The following CES1 variants were observed in gnomAD, a reference collection of about 807,000 sequenced individuals.
CES1 encodes liver carboxylesterase 1.
Under a neutral mutation model 53.0 loss-of-function variants are expected in CES1, and 50 were observed. That is an observed-to-expected ratio of 0.94 (90% CI 0.75 to 1.19). The LOEUF is 1.19. Among genes scored for constraint, CES1 ranks in the 50% most tolerant of loss-of-function variants. The probability of loss-of-function intolerance (pLI) is 0.00; values close to 1 mark genes in which losing one functional copy is unlikely to be tolerated. For synonymous variants in CES1, 202 were observed against 210.1 expected (o/e 0.96, Z 0.33); for missense variants, 534 against 538.0 (o/e 0.99, Z 0.07).
In CES1 at chr16:55,833,020, A is replaced by C. The variant is rs374942162; in HGVS notation, c.36T>G (p.Ser12=). The change falls in exon 1 of 14, where the codon TCT becomes TCG. Residue 12 remains serine (S), a synonymous_variant. Transcript: ENST00000360526. The part of the protein sequence containing the change: ...WLRAFILATL[S]ASAAWAGHPS... The stretch of plus-strand genomic sequence containing the variant: ...AGGACTCACCCCAAGCCGCGGAAGC[A>C]GAGAGAGTGGCCAGGATAAAGGCAC... The C allele has an allele frequency of 1.9e-6, 3 of 1,558,344 alleles. No homozygotes were observed. The highest frequency in any genetic ancestry group is 2.6e-6 in the Non-Finnish European group (3 of 1,138,950).
chr16:55,817,658 G>T (rs1176544243), intron 7 of CES1, among the ~76,000 whole-genome samples: 1 of 152,086 alleles, frequency 6.6e-6, no homozygotes, highest in Admixed American at 6.5e-5. Flanking sequence ...GAGTGTGTGT[G>T]TGTGTGTGTA....
intron 7 of CES1, among the ~76,000 whole-genome samples, chr16:55,818,398 G>T (rs1396948623): frequency 6.6e-6 from 1 of 152,194 alleles, no homozygotes; most frequent in Non-Finnish European, 1.5e-5. Flanking sequence ...TGACTAATTT[G>T]AACTGTGACA....
chr16:55,822,158 G>C (rs1374613629), intron 4 of CES1, among the ~76,000 whole-genome samples: 1 of 152,248 alleles, frequency 6.6e-6, no homozygotes, highest in Non-Finnish European at 1.5e-5. Context: ...CAAGAACTTC[G>C]GCTGTCATGG....
At chr16:55,812,792 C>G (rs1447431474) in intron 9 of CES1, 111 bp downstream of exon 9, 1 of 1,473,006 alleles carries the variant, frequency 6.8e-7, no homozygotes, top group Admixed American at 1.7e-5. Context: ...CTGAAGGGAA[C>G]AGCTGCCCAG....
At chr16:55,813,958 T>C (rs2031821004) in intron 8 of CES1, among the ~76,000 whole-genome samples, 1 of 152,240 alleles carries the variant, frequency 6.6e-6, no homozygotes, top group South Asian at 2.1e-4. Context: ...CCCTGCTCTG[T>C]ACCTGCCTGT....
intron 11 of CES1, among the ~76,000 whole-genome samples, chr16:55,809,285 T>A (rs1310567543): frequency 1.5e-4 from 23 of 152,288 alleles, no homozygotes; most frequent in African/African-American, 5.5e-4. Context: ...AAGGTTTTTA[T>A]CAGGACCCTG....
chr16:55,812,946 A>G lies in CES1; in HGVS notation c.1043T>C (p.Met348Thr). The part of the protein sequence containing the change: ...AERNFHTVPY[M>T]VGINKQEFGW... ...AAACTCCTGCTTGTTAATTCCGACC[A>G]TGTAGGGGACAGTGTGGAAATTCCT... Residue 348 changes from methionine to threonine, a missense_variant, in exon 9 of 14, where the codon ATG (methionine) becomes ACG (threonine). Met to Thr is a moderately conservative substitution (Grantham distance 81, BLOSUM62 -1). This residue lies in a region of CES1 where 269 missense variants were observed against 206.6 expected (regional missense o/e 1.30). Coordinates refer to ENST00000360526, the MANE Select transcript of CES1 (RefSeq NM_001025195.2). The G allele has an allele frequency of 6.2e-7, 1 of 1,614,036 alleles. No homozygotes were observed. The highest frequency in any genetic ancestry group is 8.5e-7 in the Non-Finnish European group (1 of 1,179,952).
chr16:55,818,143 A>C (rs1335111302), intron 7 of CES1, among the ~76,000 whole-genome samples: 1 of 152,192 alleles, frequency 6.6e-6, no homozygotes, highest in Admixed American at 6.5e-5. Context: ...GAGAGAGTCC[A>C]GGCTACTCCT....
intron 4 of CES1, among the ~76,000 whole-genome samples, chr16:55,822,639 G>A (rs1253936754): frequency 6.6e-6 from 1 of 152,114 alleles, no homozygotes; most frequent in Non-Finnish European, 1.5e-5. Context: ...CAAAGGTGAG[G>A]TGGGCTGGAA....
rs769840249 is a variant in CES1 at position 55,810,608 on chromosome 16, G to T, written c.1227C>A (p.Asp409Glu). Residue 409 changes from aspartate (D) to glutamate (E), a missense_variant, in exon 11 of 14, where the codon GAC becomes GAA. Around this residue, in one of 5 missense-constraint regions of CES1, gnomAD observed 269 missense variants for 206.6 expected, o/e 1.30. Coordinates refer to ENST00000360526, the MANE Select transcript of CES1 (RefSeq NM_001025195.2). ...EATEKYLGGTDDTVKKKDLFL... is the reference protein window; with the variant it reads ...EATEKYLGGTEDTVKKKDLFL... The stretch of plus-strand genomic sequence containing the variant: ...ACAGGTCTTTCTTTTTGACAGTGTC[G>T]TCTGTTCCTCCTAAGTATTTCTCAG... The T allele has an allele frequency of 2.0e-5, 32 of 1,613,862 alleles. No homozygotes were observed. The highest frequency in any genetic ancestry group is 2.7e-5 in the Non-Finnish European group (32 of 1,179,920).
At chr16:55,814,144 C>T (rs1380509143) in intron 8 of CES1, among the ~76,000 whole-genome samples, 1 of 152,216 alleles carries the variant, frequency 6.6e-6, no homozygotes, top group Non-Finnish European at 1.5e-5. Context: ...GTACCGAACC[C>T]TGGTCACTCA....
rs576144007 is a variant in CES1 at position 55,809,511 on chromosome 16, G to C, written c.1318+1006C>G. ...CCTGTGAATCTCCTCTAGCTGGCAC[G>C]CAGGAACAGACACTCCTCTCTAGGT... On this transcript the variant is annotated intron_variant, in intron 11 of 13. Coordinates refer to ENST00000360526, the MANE Select transcript of CES1 (RefSeq NM_001025195.2). Among the ~76,000 whole-genome samples the C allele has an allele frequency of 2.0e-5, 3 of 152,312 alleles. No homozygotes were observed. In the East Asian group the frequency reaches 5.8e-4, roughly 29 times the overall value.
At chr16:55,815,609 C>G (rs1256315673) in intron 8 of CES1, among the ~76,000 whole-genome samples, 1 of 152,192 alleles carries the variant, frequency 6.6e-6, no homozygotes, top group Non-Finnish European at 1.5e-5. Context: ...CCCTTGCATC[C>G]TGTCCATCAG....
intron 1 of CES1, among the ~76,000 whole-genome samples, chr16:55,832,628 C>T (rs533610326): frequency 2.0e-5 from 3 of 152,372 alleles, no homozygotes; most frequent in Non-Finnish European, 4.4e-5. Context: ...CGAACCCACG[C>T]ACTCTGGCTC....
chr16:55,827,020 G>T lies in CES1; in HGVS notation c.261-725C>A, dbSNP rs114890489. Among the ~76,000 whole-genome samples, 302 of 152,256 alleles carry T rather than the reference G, an allele frequency of 2.0e-3. 3 individuals carry two copies. The highest frequency in any genetic ancestry group is 7.0e-3 in the African/African-American group (289 of 41,524). ...AAAACTGAAGCCTAGGCAGGTTAGA[G>T]AACCTGACCAAGGTTACATAGCCAG... is the stretch of plus-strand genomic sequence containing the variant. On this transcript the variant is annotated intron_variant, in intron 2 of 13. Transcript: ENST00000360526.
intron 7 of CES1, among the ~76,000 whole-genome samples, chr16:55,817,956 T>G (rs1252542418): frequency 6.6e-6 from 1 of 152,230 alleles, no homozygotes; most frequent in Non-Finnish European, 1.5e-5. Flanking sequence ...CTGGAATATT[T>G]GCCTCCTTCC....
In CES1 at chr16:55,813,054, A is replaced by G. The variant is rs371198346; in HGVS notation, c.946-11T>C. ...CAGAAGGGGTTGACTCTGGGGAGAG[A>G]GCAGTGCAGCACCTGTGATTCCCTC... On this transcript the variant is annotated splice_polypyrimidine_tract_variant and intron_variant, in intron 8 of 13. Transcript: ENST00000360526. The G allele has an allele frequency of 8.1e-6, 13 of 1,613,726 alleles. No individual in the cohort carries two copies. In the African/African-American group the frequency reaches 1.6e-4, roughly 20 times the overall value.
intron 8 of CES1, among the ~76,000 whole-genome samples, chr16:55,814,590 A>G (rs1329757970): frequency 6.6e-6 from 1 of 152,268 alleles, no homozygotes; most frequent in Non-Finnish European, 1.5e-5. Context: ...GAAAGGCTGA[A>G]TAACTGTTAG....
intron 4 of CES1, among the ~76,000 whole-genome samples, chr16:55,822,962 G>A (rs1177199919): frequency 2.0e-5 from 3 of 152,060 alleles, no homozygotes; most frequent in African/African-American, 7.3e-5. Context: ...TCTGACTCCT[G>A]TCCCCATGGA....
Sources: allele counts gnomAD v4.1 joint callset (sites outside exome capture counted in the v4.1 genomes callset), GRCh38; gene constraint gnomAD v4.1.1; regional missense constraint gnomAD v4.1.1; transcripts MANE v1.5; gene names NCBI Gene and HGNC (gene_info 2026-07-23, HGNC 2026-07-21).